ACAP1: variants seen among roughly 807,000 people sequenced by gnomAD.
The protein encoded by ACAP1 is arf-GAP with coiled-coil, ANK repeat and PH domain-containing protein 1.
In ACAP1, 45 loss-of-function variants were observed where a neutral mutation model predicts 98.8. The ratio of observed to expected loss-of-function variants is 0.46; its 90% CI spans 0.36 to 0.58. ACAP1 has a LOEUF of 0.58. Ranked by LOEUF, ACAP1 falls within the 20% of genes least tolerant of loss-of-function variation. The pLI is 0.00. For missense variants in ACAP1, 735 were observed against 971.4 expected (o/e 0.76, Z 3.24); for synonymous variants, 362 against 375.3 (o/e 0.96, Z 0.41).
At chr17:7,336,896 G>C (rs2073225743) in intron 1 of ACAP1, 109 bp downstream of exon 1, 1 of 1,265,328 alleles carries the variant, frequency 7.9e-7, no homozygotes, top group South Asian at 1.2e-5. Context: ...GCCTCTAAGA[G>C]GCAGGAGCGA....
At chr17:7,342,685 A>G in intron 5 of ACAP1, 1 of 607,590 alleles carries the variant, frequency 1.6e-6, no homozygotes, top group Non-Finnish European at 2.9e-6. Flanking sequence ...GGATCACCTG[A>G]GGTCGGGAGT....
Position 7,350,075 on chromosome 17 carries a change from A to C in ACAP1, c.1961+21A>C. On this transcript the variant is annotated intron_variant, in intron 19 of 21. Coordinates refer to ENST00000158762, the MANE Select transcript of ACAP1 (RefSeq NM_014716.4). This position sits in a 1 kb window ranked among gnomAD's most constrained non-coding sequence, Gnocchi z 4.6. ...ACGGGGTAGGGATGATGGCATGGGG[A>C]GGAAGGCTGGGAGAAGTTGGGCGGC... The C allele has an allele frequency of 1.2e-6, 2 of 1,612,954 alleles. No individual in the cohort carries two copies. Among genetic ancestry groups the C allele is most frequent in the Non-Finnish European group, 1.7e-6 (2 of 1,179,110 alleles).
In ACAP1 at chr17:7,342,428, G is replaced by A; in HGVS notation, c.298G>A (p.Ala100Thr). 6.2e-7 allele frequency: 1 copy of A among 1,614,164 alleles called. No homozygotes were observed. ...KLDSHAELLD[A>T]TQHTLQQQIQ... ...CTCCTTCCCTCAGGAGCTTCTAGAT[G>A]CCACCCAACACACACTGCAGCAGCA... The change falls in exon 5 of 22, where the codon GCC becomes ACC. Residue 100 changes from alanine to threonine, a missense_variant. Physicochemically the swap from Ala to Thr is moderately conservative, Grantham distance 58 (BLOSUM62 0). Coordinates refer to ENST00000158762, the MANE Select transcript of ACAP1 (RefSeq NM_014716.4).
intron 18 of ACAP1, 137 bp from the exon 19 acceptor site, chr17:7,349,808 T>G: frequency 1.5e-6 from 1 of 684,410 alleles, no homozygotes; most frequent in Non-Finnish European, 2.5e-6. Flanking sequence ...TTGGTTACAG[T>G]TAGCTGTAAC....
intron 17 of ACAP1, chr17:7,348,696 G>A: frequency 5.1e-6 from 3 of 593,470 alleles, no homozygotes; most frequent in Non-Finnish European, 8.5e-6. Context: ...AACAGCACAA[G>A]AAAAGGAGAG....
chr17:7,348,701 GGA>G lies in ACAP1; in HGVS notation c.1678+236_1678+237del, dbSNP rs201477431. On this transcript the variant is annotated intron_variant, in intron 17 of 21. Coordinates refer to ENST00000158762, the MANE Select transcript of ACAP1 (RefSeq NM_014716.4). ...AAGGGGTGCCAACAGCACAAGAAAA[GGA>G]GAGAGAGAGGGGGTGGGTTTGGCTG... 1.1e-3 allele frequency: 677 copies of G among 596,026 alleles called. 11 individuals carry two copies. The East Asian group carries it at 0.019, about 17-fold the overall frequency. 36.9% of individuals were successfully genotyped at this position (596,026 alleles called of 1,614,324 possible).
At chr17:7,347,696 G>A in intron 14 of ACAP1, 4 of 593,390 alleles carry the variant, frequency 6.7e-6, no homozygotes, top group Non-Finnish European at 9.0e-6. Context: ...TGAGGGCCTT[G>A]AAATGAAACC....
At position 7,345,147 on chromosome 17, in the gene ACAP1, T is replaced by TG. The variant is rs371970414; in HGVS notation, c.854+503dup. On this transcript the variant is annotated intron_variant, in intron 10 of 21. Transcript: ENST00000158762. ...GGCCCTATAGATTTTTGTAGGGATT[T>TG]GGGGTCTACTCTGAGAGCAATTGGG... Among the ~76,000 whole-genome samples the TG allele has an allele frequency of 2.9e-3, 440 of 152,026 alleles. 4 individuals carry two copies. The highest frequency in any genetic ancestry group is 0.01 in the African/African-American group (418 of 41,452).
rs746821437 is a variant in ACAP1 at position 7,346,916 on chromosome 17, C to T, written c.1116C>T (p.Pro372=). 3 of 1,612,374 alleles carry T rather than the reference C, an allele frequency of 1.9e-6. No homozygotes were observed. The highest frequency in any genetic ancestry group is 2.2e-5 in the South Asian group (2 of 91,038). ...AFSQARLDDS[P]RGPGQGSGHL... is the part of the protein sequence containing the mutation. ...GTCAGGCTCGCCTTGATGACAGCCC[C>T]CGGGGTCCAGGCCAGGTACCTTAAC... The change falls in exon 13 of 22, where the codon CCC becomes CCT. Residue 372 remains proline (P), a synonymous_variant. Transcript: ENST00000158762.
At position 7,343,821 on chromosome 17, in the gene ACAP1, G is replaced by C; in HGVS notation, c.574-40G>C. On this transcript the variant is annotated intron_variant, in intron 7 of 21. Coordinates refer to ENST00000158762, the MANE Select transcript of ACAP1 (RefSeq NM_014716.4). This position sits in a 1 kb window ranked among gnomAD's most constrained non-coding sequence, Gnocchi z 4.9. ...CCAGCACAAGGGAATGGGGAGAGGGGTTCTTCCTCAGCCTTCCCACTGCCC... is the reference window on the plus strand; with the variant it reads ...CCAGCACAAGGGAATGGGGAGAGGGCTTCTTCCTCAGCCTTCCCACTGCCC... 6.2e-7 allele frequency: 1 copy of C among 1,613,824 alleles called. No individual in the cohort carries two copies. Among genetic ancestry groups the C allele is most frequent in the Non-Finnish European group, 8.5e-7 (1 of 1,179,818 alleles).
chr17:7,349,409 T>C (rs2073380284), intron 18 of ACAP1: 1 of 450,788 alleles, frequency 2.2e-6, no homozygotes, highest in Admixed American at 3.8e-5. Flanking sequence ...ACAGTCTCGC[T>C]CTGTCCCCCA....
chr17:7,350,345 T>C lies in ACAP1; in HGVS notation c.2072+108T>C. 1.2e-6 allele frequency: 1 copy of C among 867,770 alleles called. No individual in the cohort carries two copies. The highest frequency in any genetic ancestry group is 1.7e-6 in the Non-Finnish European group (1 of 574,972). 53.8% of individuals were successfully genotyped at this position (867,770 alleles called of 1,614,324 possible). A position where few individuals can be genotyped will look rare whatever the true frequency, so the allele number is the denominator to read the frequency against. The stretch of plus-strand genomic sequence containing the variant: ...GACGCCGAAACAGAAGCCTGTGCTG[T>C]GGGGCCTCGGAAAGGGGCTGGGCCA... On this transcript the variant is annotated intron_variant, in intron 20 of 21. Transcript: ENST00000158762. This position sits in a 1 kb window ranked among gnomAD's most constrained non-coding sequence, Gnocchi z 4.6.
At chr17:7,337,063 G>A (rs2073227550) in intron 1 of ACAP1, among the ~76,000 whole-genome samples, 1 of 152,132 alleles carries the variant, frequency 6.6e-6, no homozygotes. Context: ...CCCAGCACCT[G>A]CTCTGGGGCG....
chr17:7,350,459 G>GA lies in ACAP1; in HGVS notation c.2072+223dup. ...GGCGGGAGGGCGGGCAGGGTGCAAG[G>GA]ATGCTTGGCCCACCCTGAGAGGCGT... On this transcript the variant is annotated intron_variant, in intron 20 of 21. Coordinates refer to ENST00000158762, the MANE Select transcript of ACAP1 (RefSeq NM_014716.4). This position sits in a 1 kb window ranked among gnomAD's most constrained non-coding sequence, Gnocchi z 4.6. The GA allele has an allele frequency of 1.7e-6, 1 of 583,734 alleles. No homozygotes were observed. Among genetic ancestry groups the GA allele is most frequent in the Non-Finnish European group, 3.1e-6 (1 of 327,648 alleles). The allele number at this position is 583,734 out of a possible 1,614,324, so 36.2% of individuals were successfully genotyped here.
At position 7,339,920 on chromosome 17, in the gene ACAP1, C is replaced by T. The variant is rs139069865; in HGVS notation, c.112-2028C>T. ...AGAATGTTCCATATATAGAATCATACACTATGTGACCCTTTGAGATTTGGC... is the reference window on the plus strand; with the variant it reads ...AGAATGTTCCATATATAGAATCATATACTATGTGACCCTTTGAGATTTGGC... On this transcript the variant is annotated intron_variant, in intron 2 of 21. Coordinates refer to ENST00000158762, the MANE Select transcript of ACAP1 (RefSeq NM_014716.4). Among the ~76,000 whole-genome samples, 29 of 152,154 alleles carry T rather than the reference C, an allele frequency of 1.9e-4. No homozygotes were observed. In the East Asian group the frequency reaches 5.0e-3, roughly 26 times the overall value.
At chr17:7,340,236 C>T (rs2073263014) in intron 2 of ACAP1, among the ~76,000 whole-genome samples, 1 of 152,126 alleles carries the variant, frequency 6.6e-6, no homozygotes, top group Non-Finnish European at 1.5e-5. Flanking sequence ...CCCACCACTG[C>T]ACTCCAGCCT....
At chr17:7,347,430 G>A (rs2073357627) in intron 14 of ACAP1, 188 bp downstream of exon 14, 1 of 600,256 alleles carries the variant, frequency 1.7e-6, no homozygotes, top group Non-Finnish European at 2.8e-6. Context: ...GGCGGGCCTA[G>A]CCCCTCTGTG....
rs1315659222 is a variant in ACAP1, at chr17:7,350,390, GA to G, written c.2072+156del. On this transcript the variant is annotated intron_variant, in intron 20 of 21. Transcript: ENST00000158762. The surrounding 1 kb of genome is among the most constrained non-coding windows in gnomAD (Gnocchi z 4.6). ...GGGCCAGCGCCGGGGCCAGGCTCGAGAAAGGCTGCGCGAAGTGTGCACTGGG... is the reference window on the plus strand; with the variant it reads ...GGGCCAGCGCCGGGGCCAGGCTCGAGAAGGCTGCGCGAAGTGTGCACTGGG... 1 of 569,734 alleles carries G rather than the reference GA, an allele frequency of 1.8e-6. No homozygotes were observed. Among genetic ancestry groups the G allele is most frequent in the African/African-American group, 1.9e-5 (1 of 52,476 alleles). The allele number at this position is 569,734 out of a possible 1,614,324, so 35.3% of individuals were successfully genotyped here.
At position 7,346,901 on chromosome 17, in the gene ACAP1, C is replaced by A; in HGVS notation, c.1101C>A (p.Arg367=). 6.2e-7 allele frequency: 1 copy of A among 1,613,010 alleles called. No individual in the cohort carries two copies. The highest frequency in any genetic ancestry group is 8.5e-7 in the Non-Finnish European group (1 of 1,179,122). The part of the protein sequence containing the change: ...SSIASAFSQA[R]LDDSPRGPGQ... ...TTGCTTCTGCCTTCAGTCAGGCTCG[C>A]CTTGATGACAGCCCCCGGGGTCCAG... The change falls in exon 13 of 22, where the codon CGC becomes CGA. Residue 367 remains arginine (R), a synonymous_variant. Transcript: ENST00000158762.
Sources: gnomAD v4.1 joint callset for allele counts (sites outside exome capture counted in the v4.1 genomes callset) on GRCh38, gnomAD v4.1.1 for gene constraint, Gnocchi (gnomAD v3.1) non-coding constraint, MANE v1.5 for transcripts, NCBI Gene and HGNC (gene_info 2026-07-23, HGNC 2026-07-21) for gene names.